Variants in BCAT1 observed in about 807,000 individuals in gnomAD.
BCAT1 encodes the protein branched chain amino acid transaminase 1.
BCAT1 carries 48 observed loss-of-function variants against 52.4 expected under a neutral mutation model. That is an observed-to-expected ratio of 0.92 (90% CI 0.73 to 1.16). BCAT1 has a LOEUF of 1.16. Ranked by LOEUF, BCAT1 falls within the 50% of genes most tolerant of loss-of-function variation. The pLI, the probability that BCAT1 is intolerant of heterozygous loss-of-function variation, is 0.00. For synonymous variants in BCAT1, 167 were observed against 161.3 expected (o/e 1.04, Z -0.27); for missense variants, 451 against 457.1 (o/e 0.99, Z 0.12).
At chr12:24,938,973 C>G (rs890964702) in intron 1 of BCAT1, among the ~76,000 whole-genome samples, 3 of 152,114 alleles carry the variant, frequency 2.0e-5, no homozygotes, top group Admixed American at 2.0e-4. Flanking sequence ...CTCCCAGGTT[C>G]AAGCAATTAT....
intron 1 of BCAT1, among the ~76,000 whole-genome samples, chr12:24,947,664 TAA>T (rs1591900123): frequency 6.6e-6 from 1 of 152,200 alleles, no homozygotes; most frequent in East Asian, 1.9e-4. Flanking sequence ...CCCCATGTTA[TAA>T]AAGTATCTTG....
chr12:24,844,089 G>C (rs1035525443), intron 6 of BCAT1, among the ~76,000 whole-genome samples: 22 of 152,122 alleles, frequency 1.4e-4, no homozygotes, highest in African/African-American at 5.1e-4. Flanking sequence ...GGAAATAATT[G>C]CTTTAGCCCC....
chr12:24,812,028 C>G lies in BCAT1; in HGVS notation c.*5980G>C, dbSNP rs1939703495. The stretch of plus-strand genomic sequence containing the variant: ...GTGGGATTATTCCTTGTTAAGTCAC[C>G]CCAGGAAACATTTGCAGAATTTAGA... On this transcript the variant is annotated 3_prime_UTR_variant, in exon 11 of 11. Coordinates refer to ENST00000261192, the MANE Select transcript of BCAT1 (RefSeq NM_005504.7). 6.6e-6 allele frequency: 1 copy of G among 152,020 alleles called. No homozygotes were observed. Among genetic ancestry groups the G allele is most frequent in the African/African-American group, 2.4e-5 (1 of 41,418 alleles). 9.4% of individuals were successfully genotyped at this position (152,020 alleles called of 1,614,324 possible).
At chr12:24,911,983 A>G (rs1943335007) in intron 1 of BCAT1, among the ~76,000 whole-genome samples, 4 of 152,244 alleles carry the variant, frequency 2.6e-5, no homozygotes, top group South Asian at 4.1e-4. Context: ...TTTAAAATCC[A>G]GATATTATAT....
At chr12:24,881,441 G>C in intron 3 of BCAT1, 30 bp from the exon 4 acceptor site, 3 of 1,480,602 alleles carry the variant, frequency 2.0e-6, no homozygotes, top group Non-Finnish European at 2.8e-6. Context: ...AATCTTAGAG[G>C]GTAACCAAAA....
chr12:24,812,394 T>C lies in BCAT1; in HGVS notation c.*5614A>G, dbSNP rs917188120. ...TCAAGAAGCTTCATGGATCTTAGAATAAAATGGTTGAAGAAATGACACAAT... is the reference window on the plus strand; with the variant it reads ...TCAAGAAGCTTCATGGATCTTAGAACAAAATGGTTGAAGAAATGACACAAT... On this transcript the variant is annotated 3_prime_UTR_variant, in exon 11 of 11. Transcript: ENST00000261192. 2 of 151,986 alleles carry C rather than the reference T, an allele frequency of 1.3e-5. No individual in the cohort carries two copies. Among genetic ancestry groups the C allele is most frequent in the Admixed American group, 1.3e-4 (2 of 15,258 alleles). 9.4% of individuals were successfully genotyped at this position (151,986 alleles called of 1,614,324 possible). A position where few individuals can be genotyped will look rare whatever the true frequency, so the allele number is the denominator to read the frequency against.
At chr12:24,870,278 T>C (rs1366741214) in intron 5 of BCAT1, among the ~76,000 whole-genome samples, 1 of 152,218 alleles carries the variant, frequency 6.6e-6, no homozygotes, top group African/African-American at 2.4e-5. Flanking sequence ...ATGTGTATGT[T>C]ATATGATATA....
chr12:24,899,749 T>C (rs1297954843), intron 2 of BCAT1, among the ~76,000 whole-genome samples: 2 of 151,048 alleles, frequency 1.3e-5, no homozygotes, highest in African/African-American at 4.9e-5. Flanking sequence ...CTGGAAGTCA[T>C]TATGGTAAGC....
At chr12:24,825,131 GTGTGTA>G (rs1349726103) in intron 10 of BCAT1, among the ~76,000 whole-genome samples, 181 of 60,772 alleles carry the variant, frequency 3.0e-3, no homozygotes, top group African/African-American at 0.013. Flanking sequence ...GTGTGTGTGT[GTGTGTA>G]TATATATATA....
At chr12:24,918,414 A>G (rs561168941) in intron 1 of BCAT1, among the ~76,000 whole-genome samples, 10 of 152,310 alleles carry the variant, frequency 6.6e-5, no homozygotes, top group Admixed American at 5.2e-4. Context: ...ATCTCATACA[A>G]TGTTGGAACA....
At chr12:24,920,715 A>G (rs1450276418) in intron 1 of BCAT1, among the ~76,000 whole-genome samples, 1 of 152,138 alleles carries the variant, frequency 6.6e-6, no homozygotes, top group African/African-American at 2.4e-5. Context: ...CAGATCCACA[A>G]GTTGAGGGCT....
intron 3 of BCAT1, among the ~76,000 whole-genome samples, chr12:24,889,542 CA>C (rs1319391299): frequency 6.6e-6 from 1 of 152,184 alleles, no homozygotes; most frequent in Non-Finnish European, 1.5e-5. Flanking sequence ...AAGAGTAAGG[CA>C]GAAATAATAC....
At chr12:24,830,032 C>CT (rs1171663656) in intron 9 of BCAT1, 135 bp from the exon 10 acceptor site, 1 of 560,792 alleles carries the variant, frequency 1.8e-6, no homozygotes, top group African/African-American at 2.0e-5. Flanking sequence ...CCTACTGACT[C>CT]TGAGTGCTAG....
intron 5 of BCAT1, among the ~76,000 whole-genome samples, chr12:24,861,627 T>C (rs962216217): frequency 1.3e-5 from 2 of 152,240 alleles, no homozygotes; most frequent in African/African-American, 2.4e-5. Flanking sequence ...TGGATCTTCA[T>C]CTGTCTGCAA....
intron 7 of BCAT1, 141 bp downstream of exon 7, chr12:24,841,941 T>G (rs1941188413): frequency 2.2e-6 from 2 of 903,608 alleles, no homozygotes; most frequent in South Asian, 3.8e-5. Flanking sequence ...TGTGTCTATT[T>G]GGGCAGCAAA....
chr12:24,943,802 G>A (rs1591896937), intron 1 of BCAT1, among the ~76,000 whole-genome samples: 1 of 151,754 alleles, frequency 6.6e-6, no homozygotes, highest in Non-Finnish European at 1.5e-5. Context: ...GGCTAACATG[G>A]TGAAACCCCG....
intron 1 of BCAT1, among the ~76,000 whole-genome samples, chr12:24,940,480 T>G (rs145040819): frequency 6.6e-6 from 1 of 152,326 alleles, no homozygotes; most frequent in African/African-American, 2.4e-5. Context: ...TACATCTATA[T>G]ATTCATGGAA....
chr12:24,883,253 T>G (rs561161026), intron 3 of BCAT1, among the ~76,000 whole-genome samples: 4 of 152,296 alleles, frequency 2.6e-5, no homozygotes, highest in Admixed American at 6.5e-5. Context: ...GCTGCTGCAC[T>G]CCAGCCTGGT....
chr12:24,823,432 C>G (rs1253662871), intron 10 of BCAT1, among the ~76,000 whole-genome samples: 1 of 152,054 alleles, frequency 6.6e-6, no homozygotes, highest in Non-Finnish European at 1.5e-5. Context: ...CTAGAATAGC[C>G]CCTGCATATG....
Sources: gnomAD v4.1 joint callset for allele counts (sites outside exome capture counted in the v4.1 genomes callset) on GRCh38, gnomAD v4.1.1 for gene constraint, MANE v1.5 for transcripts, NCBI Gene and HGNC (gene_info 2026-07-23, HGNC 2026-07-21) for gene names.